The following LRP2BP variants were observed in gnomAD, a reference collection of about 807,000 sequenced individuals.
LRP2BP encodes the protein LRP2 binding protein.
In LRP2BP, 38 loss-of-function variants were observed where a neutral mutation model predicts 45.2. The observed-to-expected ratio is 0.84, with a 90% CI of 0.65 to 1.10. The LOEUF (loss-of-function observed/expected upper bound fraction) is 1.10. LRP2BP is among the 50% of genes least tolerant of loss of function. The probability of loss-of-function intolerance (pLI) is 0.00; values close to 1 mark genes in which losing one functional copy is unlikely to be tolerated. For missense variants in LRP2BP, 385 were observed against 418.9 expected (o/e 0.92, Z 0.71); for synonymous variants, 153 against 153.9 (o/e 0.99, Z 0.04).
chr4:185,397,131 A>T (rs776350479), upstream of LRP2BP: 1 of 1,612,776 alleles, frequency 6.2e-7, no homozygotes, highest in African/African-American at 1.3e-5. Flanking sequence ...AGGGTGCTGG[A>T]TCTGTTCTCT....
Position 185,366,172 on chromosome 4 carries a change from T to C in LRP2BP, c.*1008A>G, listed in dbSNP as rs548399727. On this transcript the variant is annotated 3_prime_UTR_variant, in exon 9 of 9. Coordinates refer to ENST00000505916, the MANE Select transcript of LRP2BP (RefSeq NM_001377440.1). ...AAATGAATAGCCTTGTACAATCTTA[T>C]GCATATGGATCTTACTGTTTTTACT... is the stretch of plus-strand genomic sequence containing the variant. The C allele has an allele frequency of 1.3e-5, 2 of 152,386 alleles. No homozygotes were observed. The highest frequency in any genetic ancestry group is 2.9e-5 in the Non-Finnish European group (2 of 68,036). The allele number at this position is 152,386 out of a possible 1,614,324, so 9.4% of individuals were successfully genotyped here.
At chr4:185,369,227 CTTTT>C (rs35543353) in intron 8 of LRP2BP, among the ~76,000 whole-genome samples, 1 of 100,926 alleles carries the variant, frequency 9.9e-6, no homozygotes, top group African/African-American at 4.2e-5. Context: ...ATACAGAGAG[CTTTT>C]TTTTTTTTTT....
At position 185,367,227 on chromosome 4, in the gene LRP2BP, C is replaced by A. The variant is rs555878132; in HGVS notation, c.997G>T (p.Ala333Ser). 1 of 1,610,804 alleles carries A rather than the reference C, an allele frequency of 6.2e-7. No homozygotes were observed. The highest frequency in any genetic ancestry group is 8.5e-7 in the Non-Finnish European group (1 of 1,178,290). Residue 333 changes from alanine to serine, a missense_variant, in exon 9 of 9, where the codon GCA becomes TCA. Physicochemically the swap from Ala to Ser is moderately conservative, Grantham distance 99 (BLOSUM62 1). Transcript: ENST00000505916. ...AAGGAGTGAAGTTCATCTGCCAATGCGGGATTCAGACGACAAGCCTTAAAA... is the reference window on the plus strand; with the variant it reads ...AAGGAGTGAAGTTCATCTGCCAATGAGGGATTCAGACGACAAGCCTTAAAA... ...YYSKACRLNP[A>S]LADELHSLLI...
Position 185,370,562 on chromosome 4 carries a change from C to T in LRP2BP, c.978+78G>A. ...GTAATTGAGTAGAAAAAACACTAAT[C>T]CGTAAAACTATTCAAGTTGCAGCTA... is the stretch of plus-strand genomic sequence containing the variant. On this transcript the variant is annotated intron_variant, in intron 8 of 8. Transcript: ENST00000505916. 4 of 1,451,776 alleles carry T rather than the reference C, an allele frequency of 2.8e-6. No individual in the cohort carries two copies. The South Asian group carries it at 5.1e-5, about 18-fold the overall frequency. The allele number at this position is 1,451,776 out of a possible 1,614,324, so 89.9% of individuals were successfully genotyped here.
At chr4:185,396,957 T>A (rs552289467), upstream of LRP2BP, 1 of 1,613,574 alleles carries the variant, frequency 6.2e-7, no homozygotes, top group South Asian at 1.1e-5. Context: ...CGAGGTGAGA[T>A]TCGGGCTCAC....
chr4:185,375,769 TTAAAG>T (rs1561082358), intron 3 of LRP2BP, 43 bp from the exon 4 acceptor site: 1 of 1,357,918 alleles, frequency 7.4e-7, no homozygotes, highest in Non-Finnish European at 1.0e-6. Flanking sequence ...TATTATGATC[TTAAAG>T]TAATCCCAAA....
At position 185,378,740 on chromosome 4, in the gene LRP2BP, C is replaced by G. The variant is rs1026709810; in HGVS notation, c.-21-533G>C. ...GATGGATCACAGTTGAATGGTAAAT[C>G]AGTGTCTTCATATAAAATGTAGCGG... On this transcript the variant is annotated intron_variant, in intron 1 of 8. Coordinates refer to ENST00000505916, the MANE Select transcript of LRP2BP (RefSeq NM_001377440.1). The G allele has an allele frequency of 1.0e-4, 100 of 985,556 alleles. 1 individual carries two copies. In the African/African-American group the frequency reaches 1.6e-3, roughly 16 times the overall value. 61.1% of individuals were successfully genotyped at this position (985,556 alleles called of 1,614,324 possible). A position where few individuals can be genotyped will look rare whatever the true frequency, so the allele number is the denominator to read the frequency against.
In LRP2BP at chr4:185,376,994, T is replaced by C. The variant is rs1369920910; in HGVS notation, c.131A>G (p.Asp44Gly). The C allele has an allele frequency of 4.3e-6, 7 of 1,613,356 alleles. No individual in the cohort carries two copies. The African/African-American group carries it at 5.3e-5, about 12-fold the overall frequency. ...TTCCTTCAAGAGCTGCAATGCCTTA[T>C]CCACCAAATTAGCATGGGTGTAATC... ...KTDYTHANLV[D>G]KALQLLKERI... The change falls in exon 3 of 9, where the codon GAT (aspartate) becomes GGT (glycine). Residue 44 changes from aspartate to glycine, a missense_variant. Transcript: ENST00000505916.
At chr4:185,392,811 T>A (rs1021351551) in intron 1 of LRP2BP, among the ~76,000 whole-genome samples, 1 of 152,232 alleles carries the variant, frequency 6.6e-6, no homozygotes, top group Non-Finnish European at 1.5e-5. Context: ...GGTGCCTGGC[T>A]GGCAATAAAC....
upstream of LRP2BP, chr4:185,396,732 G>A (rs1003046025): frequency 9.7e-6 from 6 of 620,986 alleles, no homozygotes; most frequent in South Asian, 1.9e-5. Context: ...CAGGGTCCGG[G>A]TCGTTGAGGA....
At chr4:185,388,487 C>T (rs1431416712) in intron 1 of LRP2BP, among the ~76,000 whole-genome samples, 3 of 132,266 alleles carry the variant, frequency 2.3e-5, no homozygotes, top group Non-Finnish European at 4.8e-5. Context: ...ACCTAGCCTG[C>T]CTACCTATCA....
rs2095384337 is a variant in LRP2BP at position 185,365,581 on chromosome 4, C to G, written c.*1599G>C. 6.6e-6 allele frequency: 1 copy of G among 151,640 alleles called. No individual in the cohort carries two copies. Among genetic ancestry groups the G allele is most frequent in the Non-Finnish European group, 1.5e-5 (1 of 67,984 alleles). The allele number at this position is 151,640 out of a possible 1,614,324, so 9.4% of individuals were successfully genotyped here. The stretch of plus-strand genomic sequence containing the variant: ...ACGTTGGCCAGCCTGGTCTCAAACT[C>G]CTGACCTCATGATCTGCCCGCCTCA... On this transcript the variant is annotated 3_prime_UTR_variant, in exon 9 of 9. Coordinates refer to ENST00000505916, the MANE Select transcript of LRP2BP (RefSeq NM_001377440.1).
At chr4:185,380,042 C>T (rs756222925) in intron 1 of LRP2BP, among the ~76,000 whole-genome samples, 1 of 152,292 alleles carries the variant, frequency 6.6e-6, no homozygotes, top group East Asian at 1.9e-4. Flanking sequence ...AGGCTGGTCT[C>T]AAGTTCCTGG....
At chr4:185,389,343 G>C (rs536264238) in intron 1 of LRP2BP, among the ~76,000 whole-genome samples, 1 of 151,712 alleles carries the variant, frequency 6.6e-6, no homozygotes, top group Admixed American at 6.6e-5. Context: ...CAAGTAGCTG[G>C]GATTGCAGGC....
At chr4:185,379,728 G>T (rs72712015) in intron 1 of LRP2BP, among the ~76,000 whole-genome samples, 1 of 152,200 alleles carries the variant, frequency 6.6e-6, no homozygotes, top group Non-Finnish European at 1.5e-5. Context: ...GGGACAGTGG[G>T]GAAGTTAAGT....
chr4:185,379,139 A>T (rs1208660211), intron 1 of LRP2BP: 1 of 228,612 alleles, frequency 4.4e-6, no homozygotes, highest in Non-Finnish European at 7.2e-6. Context: ...CTCATCTTTA[A>T]GTTGGACTAT....
At chr4:185,378,022 C>T in intron 2 of LRP2BP, 59 bp downstream of exon 2, 1 of 1,337,128 alleles carries the variant, frequency 7.5e-7, no homozygotes, top group African/African-American at 1.5e-5. Flanking sequence ...TTTGCTCTAG[C>T]ATGCAAAATG....
intron 1 of LRP2BP, chr4:185,378,515 G>A (rs1370342047): frequency 1.9e-6 from 2 of 1,067,228 alleles, no homozygotes; most frequent in Admixed American, 5.0e-5. Flanking sequence ...CAGCACAAGT[G>A]TTGCCACTTA....
chr4:185,390,761 C>T (rs1282300297), intron 1 of LRP2BP: 3 of 152,168 alleles, frequency 2.0e-5, no homozygotes, highest in African/African-American at 4.8e-5. Context: ...AACGCTGCCA[C>T]TGTGAGAGCT....
Sources: gnomAD v4.1 joint callset for allele counts (sites outside exome capture counted in the v4.1 genomes callset) on GRCh38, gnomAD v4.1.1 for gene constraint, MANE v1.5 for transcripts, NCBI Gene and HGNC (gene_info 2026-07-23, HGNC 2026-07-21) for gene names.